The following PRR18 variants were observed in gnomAD, a reference collection of about 807,000 sequenced individuals.
PRR18 encodes proline-rich protein 18.
For synonymous variants in PRR18, 228 were observed against 220.2 expected (o/e 1.04, Z -0.32); for missense variants, 517 against 437.4 (o/e 1.18, Z -1.62).
In PRR18 at chr6:166,307,524, C is replaced by A. The variant is rs1033711023; in HGVS notation, c.619G>T (p.Ala207Ser). The part of the protein sequence containing the change: ...APPTAGQGRR[A>S]PPPGAQLLHG... ...AGCAGCTGGGCGCCGGGCGGAGGCGCGCGGCGGCCCTGGCCGGCGGTGGGG... is the reference window on the plus strand; with the variant it reads ...AGCAGCTGGGCGCCGGGCGGAGGCGAGCGGCGGCCCTGGCCGGCGGTGGGG... Residue 207 changes from alanine to serine, a missense_variant, in exon 1 of 1, where the codon GCG (alanine) becomes TCG (serine). Physicochemically the swap from Ala to Ser is moderately conservative, Grantham distance 99. Transcript: ENST00000322583. 2 of 1,225,856 alleles carry A rather than the reference C, an allele frequency of 1.6e-6. No homozygotes were observed. Among genetic ancestry groups the A allele is most frequent in the Non-Finnish European group, 2.0e-6 (2 of 985,292 alleles). The allele number at this position is 1,225,856 out of a possible 1,614,324, so 75.9% of individuals were successfully genotyped here.
Position 166,307,795 on chromosome 6 carries a change from G to GGTCCCC in PRR18, c.342_347dup (p.Gly115_Thr116dup), listed in dbSNP as rs768565484. 18 of 1,450,220 alleles carry GGTCCCC rather than the reference G, an allele frequency of 1.2e-5. No homozygotes were observed. Among genetic ancestry groups the GGTCCCC allele is most frequent in the Non-Finnish European group, 1.6e-5 (17 of 1,092,530 alleles). The allele number at this position is 1,450,220 out of a possible 1,614,324, so 89.8% of individuals were successfully genotyped here. A position where few individuals can be genotyped will look rare whatever the true frequency, so the allele number is the denominator to read the frequency against. On this transcript the variant is annotated inframe_insertion, in exon 1 of 1. Coordinates refer to ENST00000322583, the MANE Select transcript of PRR18 (RefSeq NM_175922.4). ...CCCCCGAGGAGGTGCCCGCGGCGGT[G>GGTCCCC]GTCCCCGTCCCCGCCGAGGTCGCCG...
rs1267599939 is a variant in PRR18 at position 166,307,947 on chromosome 6, T to C, written c.196A>G (p.Arg66Gly). Residue 66 changes from arginine to glycine, a missense_variant, in exon 1 of 1, where the codon AGG (arginine) becomes GGG (glycine). Coordinates refer to ENST00000322583, the MANE Select transcript of PRR18 (RefSeq NM_175922.4). ...CCCGGAGGGGCCGGCGGCTGCGTCC[T>C]GTCCAGGCCGGGGCCGCGCCGGGCC... Reference protein sequence around the residue: ...PPARRGPGLDRTQPPAPPGVS... With the variant: ...PPARRGPGLDGTQPPAPPGVS... 8.1e-7 allele frequency: 1 copy of C among 1,227,916 alleles called. No homozygotes were observed. Among genetic ancestry groups the C allele is most frequent in the Non-Finnish European group, 1.0e-6 (1 of 980,834 alleles). The allele number at this position is 1,227,916 out of a possible 1,614,324, so 76.1% of individuals were successfully genotyped here.
chr6:166,306,016 TA>T lies in PRR18; in HGVS notation c.*1238del, dbSNP rs1448513328. 51 of 152,342 alleles carry T rather than the reference TA, an allele frequency of 3.3e-4. No individual in the cohort carries two copies. Among genetic ancestry groups the T allele is most frequent in the African/African-American group, 1.2e-3 (51 of 41,568 alleles). 9.4% of individuals were successfully genotyped at this position (152,342 alleles called of 1,614,324 possible). On this transcript the variant is annotated 3_prime_UTR_variant, in exon 1 of 1. Coordinates refer to ENST00000322583, the MANE Select transcript of PRR18 (RefSeq NM_175922.4). ...GCTAGTTTTGCCCCTCTAGAATTAA[TA>T]TATTCATTTTAAGTAAAAGAAAACT...
Position 166,307,600 on chromosome 6 carries a change from A to G in PRR18, c.543T>C (p.Ala181=), listed in dbSNP as rs1334791473. 25 of 1,279,030 alleles carry G rather than the reference A, an allele frequency of 2.0e-5. No homozygotes were observed. The highest frequency in any genetic ancestry group is 2.4e-5 in the Non-Finnish European group (24 of 1,011,162). The allele number at this position is 1,279,030 out of a possible 1,614,324, so 79.2% of individuals were successfully genotyped here. ...PRRLLAPCLP[A]RAAGPRRGGP... is the part of the protein sequence containing the mutation. Reference sequence around the variant, plus strand: ...CGCCCCTCCGCGGGCCCGCGGCCCTAGCCGGGAGACACGGGGCGAGTAGGC... The same window carrying G: ...CGCCCCTCCGCGGGCCCGCGGCCCTGGCCGGGAGACACGGGGCGAGTAGGC... The change falls in exon 1 of 1, where the codon GCT becomes GCC. Residue 181 remains alanine (A), a synonymous_variant. Transcript: ENST00000322583.
chr6:166,307,502 A>AGCTGGGC lies in PRR18; in HGVS notation c.634_640dup (p.Leu214ArgfsTer195). 1 of 1,290,416 alleles carries AGCTGGGC rather than the reference A, an allele frequency of 7.7e-7. No individual in the cohort carries two copies. The highest frequency in any genetic ancestry group is 3.0e-5 in the East Asian group (1 of 33,372). The allele number at this position is 1,290,416 out of a possible 1,614,324, so 79.9% of individuals were successfully genotyped here. ...GGGAACCTGCAGGCCGCCGTGCAGC[A>AGCTGGGC]GCTGGGCGCCGGGCGGAGGCGCGCG... On this transcript the variant is annotated frameshift_variant, in exon 1 of 1. Coordinates refer to ENST00000322583, the MANE Select transcript of PRR18 (RefSeq NM_175922.4). LOFTEE classifies it low-confidence loss of function (END_TRUNC).
In PRR18 at chr6:166,307,072, G is replaced by T; in HGVS notation, c.*183C>A. 1.8e-6 allele frequency: 1 copy of T among 565,486 alleles called. No individual in the cohort carries two copies. Among genetic ancestry groups the T allele is most frequent in the Non-Finnish European group, 2.8e-6 (1 of 355,902 alleles). 35.0% of individuals were successfully genotyped at this position (565,486 alleles called of 1,614,324 possible). A position where few individuals can be genotyped will look rare whatever the true frequency, so the allele number is the denominator to read the frequency against. On this transcript the variant is annotated 3_prime_UTR_variant, in exon 1 of 1. Transcript: ENST00000322583. ...TGCCGGCTGGCGAGGGCAGGAGGGGGGCCGTGGCCGTCGGGCGAGTCTGGC... is the reference window on the plus strand; with the variant it reads ...TGCCGGCTGGCGAGGGCAGGAGGGGTGCCGTGGCCGTCGGGCGAGTCTGGC...
rs935745794 is a variant in PRR18 at position 166,307,572 on chromosome 6, G to T, written c.571C>A (p.Pro191Thr). 4.6e-5 allele frequency: 56 copies of T among 1,216,778 alleles called. No homozygotes were observed. The highest frequency in any genetic ancestry group is 5.7e-5 in the Non-Finnish European group (56 of 978,006). The allele number at this position is 1,216,778 out of a possible 1,614,324, so 75.4% of individuals were successfully genotyped here. ...GGGGGTGCGTCGGGGTCGCTGGCGGGGCCGCCCCTCCGCGGGCCCGCGGCC... is the reference window on the plus strand; with the variant it reads ...GGGGGTGCGTCGGGGTCGCTGGCGGTGCCGCCCCTCCGCGGGCCCGCGGCC... ...ARAAGPRRGG[P>T]ASDPDAPPTA... Residue 191 changes from proline (P) to threonine (T), a missense_variant, in exon 1 of 1, where the codon CCC becomes ACC. By Grantham distance (38) the Pro-to-Thr change is conservative (BLOSUM62 -1). Coordinates refer to ENST00000322583, the MANE Select transcript of PRR18 (RefSeq NM_175922.4).
In PRR18 at chr6:166,308,279, T is replaced by C; in HGVS notation, c.-137A>G. The C allele has an allele frequency of 2.3e-6, 2 of 862,962 alleles. No homozygotes were observed. The highest frequency in any genetic ancestry group is 3.1e-6 in the Non-Finnish European group (2 of 651,946). 53.5% of individuals were successfully genotyped at this position (862,962 alleles called of 1,614,324 possible). On this transcript the variant is annotated 5_prime_UTR_variant, in exon 1 of 1. It removes the in-frame stop codon of an upstream open reading frame in the 5' UTR. Coordinates refer to ENST00000322583, the MANE Select transcript of PRR18 (RefSeq NM_175922.4). ...TCCAGCCGCGGCCTCTCCGGCTTCC[T>C]CACATCCCAGCGACCAAACCCGGGG...
At position 166,307,275 on chromosome 6, in the gene PRR18, G is replaced by A. The variant is rs1240720163; in HGVS notation, c.868C>T (p.Arg290Trp). The change falls in exon 1 of 1, where the codon CGG becomes TGG. Residue 290 changes from arginine (R) to tryptophan (W), a missense_variant. Arg to Trp is a moderately radical substitution (Grantham distance 101, BLOSUM62 -3). Coordinates refer to ENST00000322583, the MANE Select transcript of PRR18 (RefSeq NM_175922.4). ...RGRAGALDSR[R>W]HLSTL ...TGGGCTCACAGCGTGCTCAGGTGCC[G>A]CCGTGAGTCCAGGGCCCCCGCCCGG... is the stretch of plus-strand genomic sequence containing the variant. 2.0e-6 allele frequency: 3 copies of A among 1,512,530 alleles called. No individual in the cohort carries two copies. The highest frequency in any genetic ancestry group is 2.1e-5 in the Admixed American group (1 of 47,716). The allele number at this position is 1,512,530 out of a possible 1,614,324, so 93.7% of individuals were successfully genotyped here.
chr6:166,307,854 C>A lies in PRR18; in HGVS notation c.289G>T (p.Gly97Cys). The change falls in exon 1 of 1, where the codon GGC becomes TGC. Residue 97 changes from glycine (G) to cysteine (C), a missense_variant. Gly to Cys is a radical substitution (Grantham distance 159, BLOSUM62 -3). Coordinates refer to ENST00000322583, the MANE Select transcript of PRR18 (RefSeq NM_175922.4). The stretch of plus-strand genomic sequence containing the variant: ...GTCCTCGCTGGGCTGTGGCCGGAGC[C>A]TGCCGGCCGGGGCGGGGCGCACGTG... ...PATCAPPRPA[G>C]SGHSPARTTY... The A allele has an allele frequency of 7.9e-7, 1 of 1,266,376 alleles. No homozygotes were observed. The highest frequency in any genetic ancestry group is 9.9e-7 in the Non-Finnish European group (1 of 1,005,842). 78.4% of individuals were successfully genotyped at this position (1,266,376 alleles called of 1,614,324 possible). A position where few individuals can be genotyped will look rare whatever the true frequency, so the allele number is the denominator to read the frequency against.
rs1778141572 is a variant in PRR18, at chr6:166,308,134, G to A, written c.9C>T (p.Phe3=). 3 of 1,230,620 alleles carry A rather than the reference G, an allele frequency of 2.4e-6. No homozygotes were observed. The highest frequency in any genetic ancestry group is 2.0e-6 in the Non-Finnish European group (2 of 985,676). 76.2% of individuals were successfully genotyped at this position (1,230,620 alleles called of 1,614,324 possible). ...GGGCGGGCGGCGGCGGCATGGGCGG[G>A]AAGGGCATAGTGCAGCCGAGCCGCC... is the stretch of plus-strand genomic sequence containing the variant. The part of the protein sequence containing the change: MP[F]PPMPPPPAPA... The change falls in exon 1 of 1, where the codon TTC becomes TTT. Residue 3 remains phenylalanine (F), a synonymous_variant. Coordinates refer to ENST00000322583, the MANE Select transcript of PRR18 (RefSeq NM_175922.4).
Position 166,307,299 on chromosome 6 carries a change from G to C in PRR18, c.844C>G (p.Arg282Gly). 2 of 1,534,886 alleles carry C rather than the reference G, an allele frequency of 1.3e-6. No homozygotes were observed. The highest frequency in any genetic ancestry group is 8.7e-7 in the Non-Finnish European group (1 of 1,149,178). The change falls in exon 1 of 1, where the codon CGG becomes GGG. Residue 282 changes from arginine (R) to glycine (G), a missense_variant. Coordinates refer to ENST00000322583, the MANE Select transcript of PRR18 (RefSeq NM_175922.4). ...CGCCGTGAGTCCAGGGCCCCCGCCC[G>C]GCCCCGCGCGGCAGCCGCGGACTCC... The part of the protein sequence containing the change: ...GVESAAAARG[R>G]AGALDSRRHL...
chr6:166,308,157 G>C lies in PRR18; in HGVS notation c.-15C>G, dbSNP rs1023947483. 19 of 1,228,910 alleles carry C rather than the reference G, an allele frequency of 1.5e-5. No individual in the cohort carries two copies. The highest frequency in any genetic ancestry group is 4.1e-5 in the South Asian group (1 of 24,176). The allele number at this position is 1,228,910 out of a possible 1,614,324, so 76.1% of individuals were successfully genotyped here. A position where few individuals can be genotyped will look rare whatever the true frequency, so the allele number is the denominator to read the frequency against. ...GGGAAGGGCATAGTGCAGCCGAGCC[G>C]CCGGATCCTCAGCCCCTGGAAAGAG... is the stretch of plus-strand genomic sequence containing the variant. On this transcript the variant is annotated 5_prime_UTR_variant, in exon 1 of 1. Transcript: ENST00000322583.
rs1778095007 is a variant in PRR18, at chr6:166,306,233, T to C, written c.*1022A>G. 1 of 151,930 alleles carries C rather than the reference T, an allele frequency of 6.6e-6. No individual in the cohort carries two copies. 9.4% of individuals were successfully genotyped at this position (151,930 alleles called of 1,614,324 possible). ...AGAGCAAAGACCTCCACAAGAAAAA[T>C]ACAAAATCTGTTTTAAAAATGTAAG... On this transcript the variant is annotated 3_prime_UTR_variant, in exon 1 of 1. Transcript: ENST00000322583.
In PRR18 at chr6:166,307,950, C is replaced by T. The variant is rs1778135444; in HGVS notation, c.193G>A (p.Asp65Asn). 1 of 1,229,778 alleles carries T rather than the reference C, an allele frequency of 8.1e-7. No individual in the cohort carries two copies. The highest frequency in any genetic ancestry group is 4.3e-5 in the Admixed American group (1 of 23,254). 76.2% of individuals were successfully genotyped at this position (1,229,778 alleles called of 1,614,324 possible). A position where few individuals can be genotyped will look rare whatever the true frequency, so the allele number is the denominator to read the frequency against. ...GGAGGGGCCGGCGGCTGCGTCCTGT[C>T]CAGGCCGGGGCCGCGCCGGGCCGGC... ...RPPARRGPGL[D>N]RTQPPAPPGV... The change falls in exon 1 of 1, where the codon GAC becomes AAC. Residue 65 changes from aspartate to asparagine, a missense_variant. Asp to Asn is a conservative substitution (Grantham distance 23). Coordinates refer to ENST00000322583, the MANE Select transcript of PRR18 (RefSeq NM_175922.4).
At position 166,308,363 on chromosome 6, in the gene PRR18, C is replaced by G. The variant is rs1405690900; in HGVS notation, c.-221G>C. 2 of 392,330 alleles carry G rather than the reference C, an allele frequency of 5.1e-6. No homozygotes were observed. Among genetic ancestry groups the G allele is most frequent in the East Asian group, 4.0e-5 (1 of 25,294 alleles). The allele number at this position is 392,330 out of a possible 1,614,324, so 24.3% of individuals were successfully genotyped here. A position where few individuals can be genotyped will look rare whatever the true frequency, so the allele number is the denominator to read the frequency against. ...CCTGGGGGTGCTCCCGGGACTGGAC[C>G]CTGCAGGAACCGCCTCCCGCCGTCC... On this transcript the variant is annotated 5_prime_UTR_variant, in exon 1 of 1. Coordinates refer to ENST00000322583, the MANE Select transcript of PRR18 (RefSeq NM_175922.4).
rs989763994 is a variant in PRR18, at chr6:166,307,972, C to G, written c.171G>C (p.Pro57=). 6.6e-5 allele frequency: 81 copies of G among 1,235,030 alleles called. No individual in the cohort carries two copies. The highest frequency in any genetic ancestry group is 8.0e-5 in the Non-Finnish European group (79 of 983,214). The allele number at this position is 1,235,030 out of a possible 1,614,324, so 76.5% of individuals were successfully genotyped here. ...TGTCCAGGCCGGGGCCGCGCCGGGC[C>G]GGCGGCCTCTTGAGCGTGGCGGAGG... ...SWPSATLKRP[P]ARRGPGLDRT... Residue 57 remains proline, a synonymous_variant, in exon 1 of 1, where the codon CCG becomes CCC. Transcript: ENST00000322583.
At position 166,307,853 on chromosome 6, in the gene PRR18, C is replaced by T; in HGVS notation, c.290G>A (p.Gly97Asp). ...GGTCCTCGCTGGGCTGTGGCCGGAG[C>T]CTGCCGGCCGGGGCGGGGCGCACGT... is the stretch of plus-strand genomic sequence containing the variant. Reference protein sequence around the residue: ...PATCAPPRPAGSGHSPARTTY... With the variant: ...PATCAPPRPADSGHSPARTTY... Residue 97 changes from glycine (G) to aspartate (D), a missense_variant, in exon 1 of 1, where the codon GGC (glycine) becomes GAC (aspartate). Gly to Asp is a moderately conservative substitution (Grantham distance 94). Coordinates refer to ENST00000322583, the MANE Select transcript of PRR18 (RefSeq NM_175922.4). The T allele has an allele frequency of 7.9e-7, 1 of 1,267,286 alleles. No homozygotes were observed. Among genetic ancestry groups the T allele is most frequent in the Non-Finnish European group, 9.9e-7 (1 of 1,006,354 alleles). 78.5% of individuals were successfully genotyped at this position (1,267,286 alleles called of 1,614,324 possible).
rs1226073090 is a variant in PRR18 at position 166,306,073 on chromosome 6, G to A, written c.*1182C>T. 2 of 152,082 alleles carry A rather than the reference G, an allele frequency of 1.3e-5. No homozygotes were observed. 9.4% of individuals were successfully genotyped at this position (152,082 alleles called of 1,614,324 possible). On this transcript the variant is annotated 3_prime_UTR_variant, in exon 1 of 1. Coordinates refer to ENST00000322583, the MANE Select transcript of PRR18 (RefSeq NM_175922.4). ...CCAAATTCAAAGAAGTTATTCAATG[G>A]GTAGGTTTTTTTCTGTTTTTGCAAC... is the stretch of plus-strand genomic sequence containing the variant.
Sources: allele counts gnomAD v4.1 joint callset, GRCh38; gene constraint gnomAD v4.1.1; transcripts MANE v1.5; gene names NCBI Gene and HGNC (gene_info 2026-07-23, HGNC 2026-07-21).